The following FOXP1 variants were observed in gnomAD, a reference collection of about 807,000 sequenced individuals.
The protein encoded by FOXP1 is forkhead box P1, also known as forkhead box protein P1.
Under a neutral mutation model 98.2 loss-of-function variants are expected in FOXP1, and 15 were observed. The observed-to-expected ratio is 0.15, with a 90% CI of 0.10 to 0.24. FOXP1 has a LOEUF of 0.24. Ranked by LOEUF, FOXP1 falls within the 10% of genes least tolerant of loss-of-function variation. The probability of loss-of-function intolerance (pLI) is 1.00; values close to 1 mark genes in which losing one functional copy is unlikely to be tolerated. For missense variants in FOXP1, 633 were observed against 848.5 expected, an observed-to-expected ratio of 0.75 and a Z score of 3.15; for synonymous variants, 371 against 314.5, an observed-to-expected ratio of 1.18 and a Z score of -1.90.
Position 71,082,765 on chromosome 3 carries a change from A to G in FOXP1, c.283-28992T>C, listed in dbSNP as rs555023942. Among the ~76,000 whole-genome samples the G allele has an allele frequency of 3.9e-5, 6 of 152,306 alleles. No homozygotes were observed. The East Asian group carries it at 1.2e-3, about 29-fold the overall frequency. On this transcript the variant is annotated intron_variant, in intron 7 of 20. Coordinates refer to ENST00000649528, the MANE Select transcript of FOXP1 (RefSeq NM_001349338.3). Reference sequence around the variant, plus strand: ...TTTCTGGTTTCTAATGAAGGAACTGAGTCCTAAAACATTTATTTATACTGC... The same window carrying G: ...TTTCTGGTTTCTAATGAAGGAACTGGGTCCTAAAACATTTATTTATACTGC...
intron 2 of FOXP1, among the ~76,000 whole-genome samples, chr3:71,533,099 T>G (rs1313478712): frequency 6.6e-6 from 1 of 152,240 alleles, no homozygotes; most frequent in Non-Finnish European, 1.5e-5. Context: ...AGAACTCAAC[T>G]GCTACAAAAA....
chr3:71,041,241 G>T, intron 11 of FOXP1, 87 bp downstream of exon 11: 2 of 999,836 alleles, frequency 2.0e-6, no homozygotes, highest in East Asian at 2.4e-5. Context: ...GATCCAATTA[G>T]GGATCACTGA....
intron 3 of FOXP1, among the ~76,000 whole-genome samples, chr3:71,429,170 C>A (rs1264099290): frequency 6.6e-6 from 1 of 152,132 alleles, no homozygotes; most frequent in Admixed American, 6.6e-5. Context: ...ATGGAGTTAT[C>A]ACCCACAACC....
chr3:71,502,667 A>C (rs981742372), intron 2 of FOXP1, among the ~76,000 whole-genome samples: 2 of 152,238 alleles, frequency 1.3e-5, no homozygotes, highest in African/African-American at 4.8e-5. Flanking sequence ...AATTATATTC[A>C]TAATGATGAT....
intron 4 of FOXP1, among the ~76,000 whole-genome samples, chr3:71,327,496 T>C (rs2075765254): frequency 1.4e-5 from 2 of 147,988 alleles, no homozygotes; most frequent in African/African-American, 5.0e-5. Context: ...CACGCCATTC[T>C]CCTGCCTTAG....
At chr3:71,579,632 C>CTTTTTTTTTTTTT (rs35646548) in intron 2 of FOXP1, among the ~76,000 whole-genome samples, 1 of 123,000 alleles carries the variant, frequency 8.1e-6, no homozygotes, top group Admixed American at 8.6e-5. Context: ...TTTCTTTTTT[C>CTTTTTTTTTTTTT]TTTTTTTTTT....
intron 3 of FOXP1, among the ~76,000 whole-genome samples, chr3:71,460,494 T>A (rs950517173): frequency 6.6e-6 from 1 of 151,956 alleles, no homozygotes; most frequent in Non-Finnish European, 1.5e-5. Flanking sequence ...TGGAGTGCAG[T>A]GGCACAATCT....
intron 19 of FOXP1, among the ~76,000 whole-genome samples, chr3:70,966,658 C>T (rs964028931): frequency 2.0e-5 from 3 of 151,986 alleles, no homozygotes; most frequent in Non-Finnish European, 4.4e-5. Context: ...AAGGAAACAC[C>T]ACGTAGTGTT....
intron 7 of FOXP1, among the ~76,000 whole-genome samples, chr3:71,075,656 G>A (rs758297361): frequency 9.2e-5 from 14 of 152,068 alleles, no homozygotes; most frequent in Admixed American, 4.6e-4. Context: ...CTTGCATGTG[G>A]TGAAGGAGTA....
At chr3:71,011,819 G>A (rs2043688490) in intron 12 of FOXP1, among the ~76,000 whole-genome samples, 1 of 152,102 alleles carries the variant, frequency 6.6e-6, no homozygotes, top group Non-Finnish European at 1.5e-5. Context: ...ATAATTGATA[G>A]GTGGTTTCCT....
intron 19 of FOXP1, 84 bp from the exon 20 acceptor site, chr3:70,966,140 T>C: frequency 8.3e-7 from 1 of 1,200,050 alleles, no homozygotes; most frequent in Non-Finnish European, 1.2e-6. Flanking sequence ...CTCGATAATC[T>C]TCAGTTTGAG....
intron 3 of FOXP1, among the ~76,000 whole-genome samples, chr3:71,398,177 T>A (rs544000613): frequency 1.3e-5 from 2 of 152,212 alleles, no homozygotes; most frequent in African/African-American, 4.8e-5. Context: ...AAACCAGAAA[T>A]TGTGCCTCTT....
At chr3:71,090,040 T>C (rs2055621496) in intron 7 of FOXP1, among the ~76,000 whole-genome samples, 1 of 152,140 alleles carries the variant, frequency 6.6e-6, no homozygotes, top group Non-Finnish European at 1.5e-5. Context: ...ATTTTTTAAA[T>C]CTTTGCAAAG....
intron 7 of FOXP1, among the ~76,000 whole-genome samples, chr3:71,109,780 A>G (rs1410123247): frequency 6.6e-6 from 1 of 152,150 alleles, no homozygotes; most frequent in Non-Finnish European, 1.5e-5. Context: ...CCAACCTAAT[A>G]AAGCTTACTG....
chr3:71,071,730 C>T (rs1387769780), intron 7 of FOXP1, among the ~76,000 whole-genome samples: 1 of 152,100 alleles, frequency 6.6e-6, no homozygotes, highest in Non-Finnish European at 1.5e-5. Context: ...CCTGCCACCA[C>T]GCCTGGCTAA....
At chr3:71,478,402 A>ACT (rs2090019169) in intron 3 of FOXP1, among the ~76,000 whole-genome samples, 8 of 152,150 alleles carry the variant, frequency 5.3e-5, no homozygotes, top group Admixed American at 5.2e-4. Flanking sequence ...GCCACCATGA[A>ACT]CTCTCTCTTG....
At chr3:71,575,541 C>T (rs574174454) in intron 2 of FOXP1, among the ~76,000 whole-genome samples, 4 of 152,324 alleles carry the variant, frequency 2.6e-5, no homozygotes, top group Non-Finnish European at 5.9e-5. Flanking sequence ...TGCAACCTCC[C>T]TTCACTTCAG....
chr3:71,452,596 G>A (rs1035757757), intron 3 of FOXP1, among the ~76,000 whole-genome samples: 13 of 152,262 alleles, frequency 8.5e-5, no homozygotes, highest in African/African-American at 3.1e-4. Context: ...ATTTGAGAGG[G>A]TTGAACTTGG....
At chr3:71,146,764 A>T (rs2060327732) in intron 6 of FOXP1, among the ~76,000 whole-genome samples, 1 of 152,246 alleles carries the variant, frequency 6.6e-6, no homozygotes, top group South Asian at 2.1e-4. Flanking sequence ...ACTCTGAGGC[A>T]GCAACATGGC....
Sources: gnomAD v4.1 joint callset for allele counts (sites outside exome capture counted in the v4.1 genomes callset) on GRCh38, gnomAD v4.1.1 for gene constraint, MANE v1.5 for transcripts, NCBI Gene and HGNC (gene_info 2026-07-23, HGNC 2026-07-21) for gene names.